ESYT2: variants seen among roughly 807,000 people sequenced by gnomAD.
ESYT2 encodes the protein extended synaptotagmin-2.
Under a neutral mutation model 107.2 loss-of-function variants are expected in ESYT2, and 54 were observed. That is an observed-to-expected ratio of 0.50 (90% confidence interval 0.40 to 0.63). The LOEUF (loss-of-function observed/expected upper bound fraction) is 0.63. Ranked by LOEUF, ESYT2 falls within the 30% of genes least tolerant of loss-of-function variation. The pLI, the probability that ESYT2 is intolerant of heterozygous loss-of-function variation, is 0.00. For missense variants in ESYT2, 1,020 were observed against 1,094.5 expected (o/e 0.93, Z 0.96); for synonymous variants, 491 against 434.1 (o/e 1.13, Z -1.63).
intron 13 of ESYT2, among the ~76,000 whole-genome samples, chr7:158,755,807 G>A (rs1195727956): frequency 5.3e-5 from 8 of 151,850 alleles, no homozygotes; most frequent in Admixed American, 5.2e-4. Flanking sequence ...CAAAATGCCT[G>A]TTCTTCCAAT....
chr7:158,790,520 G>A (rs750771057), intron 4 of ESYT2, among the ~76,000 whole-genome samples: 3 of 152,192 alleles, frequency 2.0e-5, no homozygotes, highest in East Asian at 1.9e-4. Context: ...GTGACAGAGC[G>A]AGACCCTATG....
chr7:158,812,235 G>A (rs1840011942), intron 1 of ESYT2, among the ~76,000 whole-genome samples: 2 of 152,202 alleles, frequency 1.3e-5, no homozygotes, highest in Admixed American at 1.3e-4. Context: ...GCTGGCTCCT[G>A]CTCACAGCCA....
chr7:158,756,014 A>T (rs532729941), intron 13 of ESYT2, among the ~76,000 whole-genome samples: 1 of 152,338 alleles, frequency 6.6e-6, no homozygotes, highest in African/African-American at 2.4e-5. Context: ...TTAAAAATAT[A>T]ATTTAAAATA....
rs1837653855 is a variant in ESYT2, at chr7:158,753,590, AAATGTTT to A, written c.1420-754_1420-748del. ...CTTCAAACTTGTGACAAGCTGAACT[AAATGTTT>A]AATTTTTTTTTTTTTTTTTTTTGCT... On this transcript the variant is annotated intron_variant, in intron 13 of 22. Transcript: ENST00000275418. 2.0e-5 allele frequency among the ~76,000 whole-genome samples: 3 copies of A among 151,898 alleles called. No individual in the cohort carries two copies. The South Asian group carries it at 6.3e-4, about 32-fold the overall frequency.
At chr7:158,810,689 A>G (rs910318186) in intron 1 of ESYT2, among the ~76,000 whole-genome samples, 38 of 110,174 alleles carry the variant, frequency 3.4e-4, no homozygotes, top group African/African-American at 1.2e-3. Flanking sequence ...CTTGGGGGGG[A>G]AAAAAAAAGG....
At chr7:158,763,238 T>C in intron 9 of ESYT2, 73 bp from the exon 10 acceptor site, 1 of 989,166 alleles carries the variant, frequency 1.0e-6, no homozygotes, top group Non-Finnish European at 1.5e-6. Context: ...ATATGATGAT[T>C]GTAGTAAATA....
At chr7:158,742,398 C>T (rs575281219) in intron 17 of ESYT2, among the ~76,000 whole-genome samples, 8 of 152,316 alleles carry the variant, frequency 5.3e-5, no homozygotes, top group African/African-American at 9.6e-5. Context: ...AACACTTCTG[C>T]GTATTCCTCT....
intron 19 of ESYT2, among the ~76,000 whole-genome samples, chr7:158,738,037 A>G (rs887783193): frequency 6.6e-6 from 1 of 152,130 alleles, no homozygotes; most frequent in African/African-American, 2.4e-5. Context: ...GAGGCCAGGA[A>G]TTAGAGACCA....
intron 7 of ESYT2, among the ~76,000 whole-genome samples, chr7:158,771,672 G>C (rs561198751): frequency 6.6e-6 from 1 of 152,312 alleles, no homozygotes; most frequent in South Asian, 2.1e-4. Flanking sequence ...CCCAACACCG[G>C]CTCCATCTGA....
chr7:158,788,485 C>T (rs1232028781), intron 4 of ESYT2, 68 bp from the exon 5 acceptor site: 4 of 1,292,226 alleles, frequency 3.1e-6, no homozygotes, highest in African/African-American at 1.5e-5. Flanking sequence ...TATAGACCTG[C>T]AAGATGTATA....
rs147062200 is a variant in ESYT2 at position 158,737,161 on chromosome 7, A to C, written c.2286T>G (p.Ser762=). The C allele has an allele frequency of 4.9e-4, 795 of 1,613,852 alleles. 5 individuals carry two copies. In the African/African-American group the frequency reaches 7.1e-3, roughly 14 times the overall value. Residue 762 remains serine (S), a synonymous_variant, in exon 20 of 23, where the codon TCT becomes TCG. Transcript: ENST00000275418. ...VHACRNLIAF[S]EDGSDPYVRM... ...GGACATAGGGGTCAGAGCCGTCTTCAGAGAAGGCAATGAGGTTTCTTACAA... is the reference window on the plus strand; with the variant it reads ...GGACATAGGGGTCAGAGCCGTCTTCCGAGAAGGCAATGAGGTTTCTTACAA...
At chr7:158,785,302 G>A (rs1210294104) in intron 6 of ESYT2, among the ~76,000 whole-genome samples, 2 of 152,096 alleles carry the variant, frequency 1.3e-5, no homozygotes, top group Non-Finnish European at 2.9e-5. Context: ...GTGGGTGCCT[G>A]TAATCTCAGC....
intron 7 of ESYT2, among the ~76,000 whole-genome samples, chr7:158,770,660 G>A (rs982701405): frequency 4.0e-5 from 6 of 151,820 alleles, no homozygotes; most frequent in South Asian, 2.1e-4. Flanking sequence ...GACTACAGGC[G>A]CCTGCCACCA....
intron 3 of ESYT2, among the ~76,000 whole-genome samples, chr7:158,794,797 A>G (rs916538275): frequency 9.2e-5 from 14 of 152,136 alleles, no homozygotes; most frequent in African/African-American, 3.4e-4. Flanking sequence ...GAAGCACTTT[A>G]CCTTTAGAGT....
intron 9 of ESYT2, among the ~76,000 whole-genome samples, chr7:158,763,451 T>C (rs764720527): frequency 9.2e-5 from 14 of 152,132 alleles, no homozygotes; most frequent in South Asian, 2.1e-4. Context: ...TGTGCCACCA[T>C]GCCCGGCTAA....
At chr7:158,762,755 C>T (rs539525876) in intron 10 of ESYT2, among the ~76,000 whole-genome samples, 25 of 152,302 alleles carry the variant, frequency 1.6e-4, no homozygotes, top group Admixed American at 5.2e-4. Context: ...GAACTCAATA[C>T]GGCGGCAGGT....
At chr7:158,802,465 G>A (rs996120285) in intron 1 of ESYT2, among the ~76,000 whole-genome samples, 1 of 152,188 alleles carries the variant, frequency 6.6e-6, no homozygotes, top group Non-Finnish European at 1.5e-5. Context: ...AGTTTTAGTA[G>A]AGACAGGGTT....
Position 158,829,315 on chromosome 7 carries a change from C to A in ESYT2, c.104G>T (p.Gly35Val). The A allele has an allele frequency of 6.7e-6, 10 of 1,498,794 alleles. No homozygotes were observed. Among genetic ancestry groups the A allele is most frequent in the Non-Finnish European group, 8.8e-6 (10 of 1,132,416 alleles). 92.8% of individuals were successfully genotyped at this position (1,498,794 alleles called of 1,614,324 possible). Residue 35 changes from glycine (G) to valine (V), a missense_variant, in exon 1 of 23, where the codon GGG becomes GTG. Transcript: ENST00000275418. The stretch of plus-strand genomic sequence containing the variant: ...GCTCCGCGCCAGCTGCGCCAGCAGC[C>A]CGGGCAGCTCCACGCTCAGCACGCC... Reference protein sequence around the residue: ...PGGVLSVELPGLLAQLARSFA... With the variant: ...PGGVLSVELPVLLAQLARSFA...
At chr7:158,777,858 T>C (rs1838624217) in intron 6 of ESYT2, among the ~76,000 whole-genome samples, 1 of 152,080 alleles carries the variant, frequency 6.6e-6, no homozygotes, top group Admixed American at 6.6e-5. Flanking sequence ...CAGATAATAA[T>C]GAAAAAGTGT....
Sources: gnomAD v4.1 joint callset for allele counts (sites outside exome capture counted in the v4.1 genomes callset) on GRCh38, gnomAD v4.1.1 for gene constraint, MANE v1.5 for transcripts, NCBI Gene and HGNC (gene_info 2026-07-23, HGNC 2026-07-21) for gene names.